Variants in CEP72 observed in about 807,000 individuals in gnomAD.
CEP72 encodes centrosomal protein of 72 kDa.
CEP72 carries 78 observed loss-of-function variants against 65.7 expected under a neutral mutation model. The observed-to-expected ratio is 1.19, with a 90% CI of 0.99 to 1.43. The LOEUF is 1.43. Among genes scored for constraint, CEP72 ranks in the 40% most tolerant of loss-of-function variants. The pLI, the probability that CEP72 is intolerant of heterozygous loss-of-function variation, is 0.00. For missense variants in CEP72, 914 were observed against 832.9 expected (o/e 1.10, Z -1.20); for synonymous variants, 358 against 351.7 (o/e 1.02, Z -0.20).
chr5:639,297 T>G, intron 8 of CEP72, 73 bp downstream of exon 8: 1 of 1,487,578 alleles, frequency 6.7e-7, no homozygotes, highest in Non-Finnish European at 9.0e-7. Context: ...CTGCGTGTGG[T>G]GACCTAGGAG....
At chr5:639,291 G>C (rs1346307405) in intron 8 of CEP72, 67 bp downstream of exon 8, 3 of 1,496,966 alleles carry the variant, frequency 2.0e-6, no homozygotes, top group African/African-American at 2.8e-5. Context: ...GGTCCTCTGC[G>C]TGTGGTGACC....
At chr5:615,441 C>CT (rs1314406990) in intron 1 of CEP72, among the ~76,000 whole-genome samples, 1 of 152,086 alleles carries the variant, frequency 6.6e-6, no homozygotes, top group African/African-American at 2.4e-5. Flanking sequence ...CCTTGTTCCT[C>CT]TTTTTTCCTG....
In CEP72 at chr5:648,291, G is replaced by C. The variant is rs1389875359; in HGVS notation, c.1778+375G>C. Reference sequence around the variant, plus strand: ...GTGTGAGATGTGACTGTGAGGTGTGGACTGTGAGGTGTGACTGTGAGGTAT... The same window carrying C: ...GTGTGAGATGTGACTGTGAGGTGTGCACTGTGAGGTGTGACTGTGAGGTAT... On this transcript the variant is annotated intron_variant, in intron 11 of 11. Transcript: ENST00000264935. 7.6e-5 allele frequency among the ~76,000 whole-genome samples: 7 copies of C among 92,664 alleles called. 1 individual carries two copies. The Admixed American group carries it at 7.7e-4, about 10-fold the overall frequency. The allele number at this position is 92,664 out of a possible 152,430, so 60.8% of individuals were successfully genotyped here.
rs762615101 is a variant in CEP72, at chr5:619,034, A to C, written c.127A>C (p.Ile43Leu). ...LSIPGTYQEK[I>L]THLGHSLMSL... ...TATTCCTGGAACTTACCAAGAGAAG[A>C]TCACCCACCTGGGACATTCTCTGAT... Residue 43 changes from isoleucine to leucine, a missense_variant, in exon 2 of 12, where the codon ATC becomes CTC. Ile to Leu is a conservative substitution (Grantham distance 5). Coordinates refer to ENST00000264935, the MANE Select transcript of CEP72 (RefSeq NM_018140.4). 1 of 1,612,424 alleles carries C rather than the reference A, an allele frequency of 6.2e-7. No homozygotes were observed. The highest frequency in any genetic ancestry group is 1.1e-5 in the South Asian group (1 of 91,040).
chr5:619,987 G>A (rs931212161), intron 2 of CEP72, 82 bp from the exon 3 acceptor site: 19 of 1,078,042 alleles, frequency 1.8e-5, no homozygotes, highest in East Asian at 2.4e-5. Flanking sequence ...ACAGTTGGTT[G>A]GTCAGTGTGT....
downstream of CEP72, among the ~76,000 whole-genome samples, chr5:667,726 C>T (rs78102270): frequency 1.5e-4 from 23 of 151,184 alleles, no homozygotes; most frequent in East Asian, 3.7e-3. Context: ...TGTGAAAAGA[C>T]GGGCAGAATA....
chr5:612,781 C>G (rs1208562537), intron 1 of CEP72, among the ~76,000 whole-genome samples: 1 of 152,252 alleles, frequency 6.6e-6, no homozygotes, highest in Non-Finnish European at 1.5e-5. Flanking sequence ...GGATCACCTC[C>G]CTGGTTCTCC....
intron 10 of CEP72, among the ~76,000 whole-genome samples, chr5:644,679 C>T (rs1223655691): frequency 6.6e-6 from 1 of 152,170 alleles, no homozygotes; most frequent in Admixed American, 6.5e-5. Flanking sequence ...CCTGCCCGAC[C>T]GTCCTCCCCT....
rs941175913 is a variant in CEP72 at position 645,611 on chromosome 5, C to T, written c.1666+1186C>T. Among the ~76,000 whole-genome samples, 7 of 152,180 alleles carry T rather than the reference C, an allele frequency of 4.6e-5. No homozygotes were observed. The highest frequency in any genetic ancestry group is 1.7e-4 in the African/African-American group (7 of 41,442). On this transcript the variant is annotated intron_variant, in intron 10 of 11. Transcript: ENST00000264935. The surrounding 1 kb of genome is among the most constrained non-coding windows in gnomAD (Gnocchi z 4.0). ...TTGCTGTGTCTGACCTGTCCCATCT[C>T]GAGTGAGTGCAGGCACCAGCCGCCC...
chr5:665,651 C>A (rs976882233), intron 3 of CEP72, among the ~76,000 whole-genome samples: 1 of 135,240 alleles, frequency 7.4e-6, no homozygotes, highest in African/African-American at 2.8e-5. Flanking sequence ...TCCCCAGGAC[C>A]CCCCCAGGCC....
rs745388536 is a variant in CEP72 at position 635,358 on chromosome 5, C to T, written c.692-14C>T. The T allele has an allele frequency of 6.6e-6, 10 of 1,522,204 alleles. No homozygotes were observed. In the Admixed American group the frequency reaches 7.2e-5, roughly 11 times the overall value. 94.3% of individuals were successfully genotyped at this position (1,522,204 alleles called of 1,614,324 possible). A position where few individuals can be genotyped will look rare whatever the true frequency, so the allele number is the denominator to read the frequency against. On this transcript the variant is annotated splice_polypyrimidine_tract_variant and intron_variant, in intron 5 of 11. Coordinates refer to ENST00000264935, the MANE Select transcript of CEP72 (RefSeq NM_018140.4). Reference sequence around the variant, plus strand: ...AATGTTTTATGAAATATTTTATTTACAATATTTTAATAGAATCCAGACATC... The same window carrying T: ...AATGTTTTATGAAATATTTTATTTATAATATTTTAATAGAATCCAGACATC...
At chr5:640,101 A>G (rs909650703) in intron 8 of CEP72, among the ~76,000 whole-genome samples, 3 of 152,222 alleles carry the variant, frequency 2.0e-5, no homozygotes, top group Non-Finnish European at 4.4e-5. Context: ...GTTTCCACAC[A>G]GGGCAGTCGG....
Position 620,243 on chromosome 5 carries a change from C to T in CEP72, c.385C>T (p.Pro129Ser). ...DYRLFVVHLLPKLQQLDDRPV... is the reference protein window; with the variant it reads ...DYRLFVVHLLSKLQQLDDRPV... ...CCGCCTTTTTGTTGTGCACCTGCTCCCCAAGCTCCAGCAGCTGGGTAGGCA... is the reference window on the plus strand; with the variant it reads ...CCGCCTTTTTGTTGTGCACCTGCTCTCCAAGCTCCAGCAGCTGGGTAGGCA... The change falls in exon 3 of 12, where the codon CCC (proline) becomes TCC (serine). Residue 129 changes from proline (P) to serine (S), a missense_variant. Coordinates refer to ENST00000264935, the MANE Select transcript of CEP72 (RefSeq NM_018140.4). 6.2e-7 allele frequency: 1 copy of T among 1,613,662 alleles called. No individual in the cohort carries two copies. Among genetic ancestry groups the T allele is most frequent in the Non-Finnish European group, 8.5e-7 (1 of 1,179,560 alleles).
intron 5 of CEP72, among the ~76,000 whole-genome samples, chr5:634,506 A>T (rs1340198613): frequency 6.6e-6 from 1 of 152,266 alleles, no homozygotes; most frequent in African/African-American, 2.4e-5. Context: ...TCTTAGGTTC[A>T]TCTGTGCAAA....
At chr5:663,188 C>A (rs879167687) in intron 1 of CEP72, 10 of 140,586 alleles carry the variant, frequency 7.1e-5, no homozygotes, top group African/African-American at 2.5e-4. Flanking sequence ...TGTGACCGGG[C>A]GATTCCGGTG....
At chr5:614,155 T>G (rs866182376) in intron 1 of CEP72, among the ~76,000 whole-genome samples, 5 of 152,258 alleles carry the variant, frequency 3.3e-5, no homozygotes, top group Admixed American at 6.5e-5. Flanking sequence ...ACTTTGGGTT[T>G]GATTTTTCTC....
At chr5:617,733 C>T (rs1364931760) in intron 1 of CEP72, among the ~76,000 whole-genome samples, 6 of 152,122 alleles carry the variant, frequency 3.9e-5, no homozygotes, top group South Asian at 4.1e-4. Context: ...GATGTGGTGG[C>T]GTGTCCCTGT....
intron 6 of CEP72, among the ~76,000 whole-genome samples, chr5:637,053 C>CT (rs1445759848): frequency 1.3e-5 from 2 of 152,186 alleles, no homozygotes; most frequent in Non-Finnish European, 2.9e-5. Flanking sequence ...TCCCCCGGGT[C>CT]TTGTGTGTCC....
At chr5:648,066 A>C in intron 11 of CEP72, 150 bp downstream of exon 11, 2 of 607,582 alleles carry the variant, frequency 3.3e-6, no homozygotes, top group Non-Finnish European at 3.0e-6. Context: ...TGCTGATTTG[A>C]AACTTTCATA....
Sources: gnomAD v4.1 joint callset for allele counts (sites outside exome capture counted in the v4.1 genomes callset) on GRCh38, gnomAD v4.1.1 for gene constraint, Gnocchi (gnomAD v3.1) non-coding constraint, MANE v1.5 for transcripts, NCBI Gene and HGNC (gene_info 2026-07-23, HGNC 2026-07-21) for gene names.